Variants in PLXNC1 observed in about 807,000 individuals in gnomAD.
PLXNC1 encodes plexin C1.
A neutral mutation model predicts 178.2 loss-of-function variants in PLXNC1; 75 were observed. The observed-to-expected ratio is 0.42, with a 90% CI of 0.35 to 0.51. The LOEUF (loss-of-function observed/expected upper bound fraction) is 0.51, where lower values mean the gene tolerates loss of function less well. PLXNC1 is among the 20% of genes least tolerant of loss of function. PLXNC1 has a pLI of 0.02. For synonymous variants in PLXNC1, 790 were observed against 779.9 expected, an observed-to-expected ratio of 1.01 and a Z score of -0.22; for missense variants, 1,503 against 1,984.4, an observed-to-expected ratio of 0.76 and a Z score of 4.61.
At chr12:94,289,982 G>A (rs985359304) in intron 23 of PLXNC1, among the ~76,000 whole-genome samples, 8 of 152,174 alleles carry the variant, frequency 5.3e-5, no homozygotes, top group African/African-American at 1.9e-4. Context: ...CACTAGCAGC[G>A]GGCTGTTGCC....
At chr12:94,214,257 A>G (rs937434633) in intron 5 of PLXNC1, among the ~76,000 whole-genome samples, 5 of 151,612 alleles carry the variant, frequency 3.3e-5, no homozygotes, top group Admixed American at 2.0e-4. Context: ...GCTAATTTTT[A>G]AAAATTTTTT....
intron 21 of PLXNC1, among the ~76,000 whole-genome samples, chr12:94,278,893 G>T (rs907210515): frequency 6.6e-6 from 1 of 152,118 alleles, no homozygotes; most frequent in Admixed American, 6.6e-5. Flanking sequence ...AGCTACTTGG[G>T]AGGCTGAGGC....
chr12:94,217,649 C>T (rs1963682847), intron 5 of PLXNC1, among the ~76,000 whole-genome samples: 1 of 152,174 alleles, frequency 6.6e-6, no homozygotes, highest in African/African-American at 2.4e-5. Flanking sequence ...CCTCCATATC[C>T]ACATCCCCCA....
chr12:94,257,488 A>G (rs1378877039), intron 17 of PLXNC1, among the ~76,000 whole-genome samples: 2 of 152,202 alleles, frequency 1.3e-5, no homozygotes, highest in Non-Finnish European at 2.9e-5. Flanking sequence ...TCAGAGAGCC[A>G]CGGGTCCAGG....
At chr12:94,160,728 T>G (rs1196719409) in intron 1 of PLXNC1, among the ~76,000 whole-genome samples, 2 of 152,208 alleles carry the variant, frequency 1.3e-5, no homozygotes, top group Non-Finnish European at 2.9e-5. Flanking sequence ...AGACCTCTAA[T>G]GCAGCCTGTA....
At position 94,304,189 on chromosome 12, in the gene PLXNC1, G is replaced by A. The variant is rs1242574434; in HGVS notation, c.4602+138G>A. 6 of 614,310 alleles carry A rather than the reference G, an allele frequency of 9.8e-6. No homozygotes were observed. The African/African-American group carries it at 1.1e-4, about 11-fold the overall frequency. 38.1% of individuals were successfully genotyped at this position (614,310 alleles called of 1,614,324 possible). ...GCCAGGAAGCCTGTCTGAGATGGGG[G>A]ATCCTGGCACTGAGCCAGACCCTGT... On this transcript the variant is annotated intron_variant, in intron 30 of 30. Transcript: ENST00000258526.
chr12:94,171,410 G>A (rs1961839316), intron 2 of PLXNC1, among the ~76,000 whole-genome samples: 1 of 152,136 alleles, frequency 6.6e-6, no homozygotes, highest in South Asian at 2.1e-4. Flanking sequence ...GATGCCAAGG[G>A]ACTCTATATC....
intron 23 of PLXNC1, among the ~76,000 whole-genome samples, chr12:94,289,264 A>G (rs1186842517): frequency 1.3e-5 from 2 of 152,138 alleles, no homozygotes; most frequent in African/African-American, 2.4e-5. Flanking sequence ...AGTGATTACA[A>G]CTTCTCATTC....
chr12:94,294,050 G>A (rs182145913), intron 23 of PLXNC1, among the ~76,000 whole-genome samples: 1 of 152,266 alleles, frequency 6.6e-6, no homozygotes, highest in East Asian at 1.9e-4. Flanking sequence ...GGAATCTGGA[G>A]GAGACACAAA....
Position 94,186,373 on chromosome 12 carries a change from G to T in PLXNC1, c.1339G>T (p.Val447Leu), listed in dbSNP as rs758809811. The change falls in exon 4 of 31, where the codon GTG (valine) becomes TTG (leucine). Residue 447 changes from valine to leucine, a missense_variant and splice_region_variant. This residue lies in a region of PLXNC1 where 615 missense variants were observed against 698.6 expected (regional missense o/e 0.88). Transcript: ENST00000258526. Reference sequence around the variant, plus strand: ...GAACCATTGTCCTCTTTCCTTTTAGGTGAGGAGAATTCGTGTTGCAAACTG... The same window carrying T: ...GAACCATTGTCCTCTTTCCTTTTAGTTGAGGAGAATTCGTGTTGCAAACTG... ...IYIYLTAGKE[V>L]RRIRVANCNK... 1.6e-5 allele frequency: 26 copies of T among 1,604,706 alleles called. No individual in the cohort carries two copies. Among genetic ancestry groups the T allele is most frequent in the Non-Finnish European group, 2.0e-5 (24 of 1,171,534 alleles).
In PLXNC1 at chr12:94,148,977, G is replaced by T; in HGVS notation, c.6G>T (p.Glu2Asp). The T allele has an allele frequency of 7.1e-7, 1 of 1,414,596 alleles. No homozygotes were observed. 87.6% of individuals were successfully genotyped at this position (1,414,596 alleles called of 1,614,324 possible). The change falls in exon 1 of 31, where the codon GAG becomes GAT. Residue 2 changes from glutamate (E) to aspartate (D), a missense_variant. Physicochemically the swap from Glu to Asp is conservative, Grantham distance 45. Coordinates refer to ENST00000258526, the MANE Select transcript of PLXNC1 (RefSeq NM_005761.3). This position sits in a 1 kb window ranked among gnomAD's most constrained non-coding sequence, Gnocchi z 4.8. ...GGGGCGGCCCCCCCAGCCCCATGGA[G>T]GTCTCCCGGAGGAAGGCGCCGCCGC... Reference protein sequence around the residue: MEVSRRKAPPRP... With the variant: MDVSRRKAPPRP...
chr12:94,273,262 ACT>A (rs1965696233), intron 21 of PLXNC1, among the ~76,000 whole-genome samples: 1 of 151,832 alleles, frequency 6.6e-6, no homozygotes, highest in Non-Finnish European at 1.5e-5. Context: ...TAGTACAGGG[ACT>A]CTCTTTCAGG....
At chr12:94,293,405 T>G (rs1257697022) in intron 23 of PLXNC1, among the ~76,000 whole-genome samples, 1 of 152,128 alleles carries the variant, frequency 6.6e-6, no homozygotes, top group East Asian at 1.9e-4. Flanking sequence ...CTTAATAGAG[T>G]AGTGTCATAG....
At chr12:94,249,929 G>GT (rs1298349072) in intron 14 of PLXNC1, among the ~76,000 whole-genome samples, 434 of 32,212 alleles carry the variant, frequency 0.013, 3 homozygotes, top group Middle Eastern at 0.023. Flanking sequence ...AAGCACCAGT[G>GT]TGGGGGGGTG....
chr12:94,286,302 G>A (rs968141678), intron 23 of PLXNC1, among the ~76,000 whole-genome samples: 14 of 152,130 alleles, frequency 9.2e-5, no homozygotes, highest in African/African-American at 3.4e-4. Flanking sequence ...TGAAGGAAAC[G>A]GGAGGTCATT....
chr12:94,297,526 C>T, intron 26 of PLXNC1, 103 bp downstream of exon 26: 1 of 783,920 alleles, frequency 1.3e-6, no homozygotes, highest in African/African-American at 1.7e-5. Context: ...ATCCCTTGTG[C>T]CTTCTAGCAA....
intron 5 of PLXNC1, among the ~76,000 whole-genome samples, chr12:94,215,108 G>A (rs1963605781): frequency 6.6e-6 from 1 of 152,110 alleles, no homozygotes; most frequent in African/African-American, 2.4e-5. Context: ...ATGTTGGCCA[G>A]GCTGGTCTTG....
chr12:94,164,406 C>T (rs568384734), intron 1 of PLXNC1, among the ~76,000 whole-genome samples: 37 of 150,796 alleles, frequency 2.5e-4, no homozygotes, highest in African/African-American at 9.0e-4. Context: ...CATTCCCTCC[C>T]GATGATGCCG....
At chr12:94,158,960 G>A (rs145484114) in intron 1 of PLXNC1, among the ~76,000 whole-genome samples, 4 of 152,182 alleles carry the variant, frequency 2.6e-5, no homozygotes, top group Non-Finnish European at 5.9e-5. Flanking sequence ...GGTTGATGGA[G>A]TAAAACAGCG....
Sources: allele counts gnomAD v4.1 joint callset (sites outside exome capture counted in the v4.1 genomes callset), GRCh38; gene constraint gnomAD v4.1.1; regional missense constraint gnomAD v4.1.1; non-coding constraint Gnocchi (gnomAD v3.1); transcripts MANE v1.5; gene names NCBI Gene and HGNC (gene_info 2026-07-23, HGNC 2026-07-21).